The following ZNF274 variants were observed in gnomAD, a reference collection of about 807,000 sequenced individuals.
ZNF274 encodes zinc finger protein 274.
ZNF274 carries 23 observed loss-of-function variants against 42.5 expected under a neutral mutation model. The ratio of observed to expected loss-of-function variants is 0.54; its 90% CI spans 0.39 to 0.77. The LOEUF is 0.77. Ranked by LOEUF, ZNF274 falls within the 30% of genes least tolerant of loss-of-function variation. ZNF274 has a pLI of 0.00. For synonymous variants in ZNF274, 292 were observed against 305.4 expected, an observed-to-expected ratio of 0.96 and a Z score of 0.46; for missense variants, 679 against 806.5, an observed-to-expected ratio of 0.84 and a Z score of 1.91.
intron 4 of ZNF274, among the ~76,000 whole-genome samples, chr19:58,201,954 T>C (rs187701404): frequency 6.6e-6 from 1 of 152,224 alleles, no homozygotes; most frequent in East Asian, 1.9e-4. Context: ...CTTAGGGGTG[T>C]GAGATCCACA....
Position 58,211,829 on chromosome 19 carries a change from G to A in ZNF274, c.979+143G>A. 3 of 1,290,870 alleles carry A rather than the reference G, an allele frequency of 2.3e-6. No homozygotes were observed. The highest frequency in any genetic ancestry group is 3.1e-6 in the Non-Finnish European group (3 of 962,204). 80.0% of individuals were successfully genotyped at this position (1,290,870 alleles called of 1,614,324 possible). ...GCATCCAGGGCCTGTAAGTGGAACT[G>A]TAGACCTAGAGGGGTGAGGTCACTG... On this transcript the variant is annotated intron_variant, in intron 7 of 7. Transcript: ENST00000617501. The surrounding 1 kb of genome is among the most constrained non-coding windows in gnomAD (Gnocchi z 4.8).
At chr19:58,184,912 T>C (rs1320067868) in intron 2 of ZNF274, 2 of 149,986 alleles carry the variant, frequency 1.3e-5, no homozygotes, top group Admixed American at 6.7e-5. Flanking sequence ...GGTCAGGAGA[T>C]TGAGACCATC....
intron 4 of ZNF274, among the ~76,000 whole-genome samples, chr19:58,194,988 G>A (rs2075824116): frequency 6.6e-6 from 1 of 151,386 alleles, no homozygotes; most frequent in Non-Finnish European, 1.5e-5. Context: ...GCGACAGAGT[G>A]AGACTCCATG....
rs373073196 is a variant in ZNF274 at position 58,207,120 on chromosome 19, A to G, written c.657A>G (p.Thr219=). The G allele has an allele frequency of 3.0e-5, 48 of 1,613,790 alleles. No individual in the cohort carries two copies. Among genetic ancestry groups the G allele is most frequent in the Non-Finnish European group, 3.9e-5 (46 of 1,179,898 alleles). The part of the protein sequence containing the change: ...FLGALPVKLR[T]WVESQHPENC... Reference sequence around the variant, plus strand: ...GTGCACTGCCTGTGAAGCTCCGGACATGGGTGGAATCGCAGCACCCAGAGA... The same window carrying G: ...GTGCACTGCCTGTGAAGCTCCGGACGTGGGTGGAATCGCAGCACCCAGAGA... The change falls in exon 5 of 8, where the codon ACA becomes ACG. Residue 219 remains threonine, a synonymous_variant. Coordinates refer to ENST00000617501, the MANE Select transcript of ZNF274 (RefSeq NM_133502.3). This position sits in a 1 kb window ranked among gnomAD's most constrained non-coding sequence, Gnocchi z 5.6.
chr19:58,207,290 A>T lies in ZNF274; in HGVS notation c.739+88A>T. The T allele has an allele frequency of 6.8e-7, 1 of 1,480,312 alleles. No homozygotes were observed. The highest frequency in any genetic ancestry group is 9.0e-7 in the Non-Finnish European group (1 of 1,114,124). 91.7% of individuals were successfully genotyped at this position (1,480,312 alleles called of 1,614,324 possible). A position where few individuals can be genotyped will look rare whatever the true frequency, so the allele number is the denominator to read the frequency against. On this transcript the variant is annotated intron_variant, in intron 5 of 7. Transcript: ENST00000617501. The surrounding 1 kb of genome is among the most constrained non-coding windows in gnomAD (Gnocchi z 5.6). ...AGATAAGAACTCCAGGCTTCCTAGG[A>T]AGGTCATGGGAAGGATTGTGTCCGC...
chr19:58,209,873 T>G, intron 5 of ZNF274, 88 bp from the exon 6 acceptor site: 1 of 787,246 alleles, frequency 1.3e-6, no homozygotes, highest in Non-Finnish European at 2.1e-6. Flanking sequence ...AGGGGTGCGG[T>G]GGCCCCATGG....
chr19:58,184,230 G>C, intron 2 of ZNF274: 1 of 551,896 alleles, frequency 1.8e-6, no homozygotes, highest in East Asian at 3.0e-5. Context: ...CTGAAGGCCA[G>C]GTTAAGGCTC....
At position 58,212,222 on chromosome 19, in the gene ZNF274, A is replaced by G. The variant is rs2076049401; in HGVS notation, c.1041A>G (p.Glu347=). The change falls in exon 8 of 8, where the codon GAA becomes GAG. Residue 347 remains glutamate (E), a synonymous_variant. Coordinates refer to ENST00000617501, the MANE Select transcript of ZNF274 (RefSeq NM_133502.3). This position sits in a 1 kb window ranked among gnomAD's most constrained non-coding sequence, Gnocchi z 4.6. ...LAPNSDIPEE[E]PAPSLKVQES... ...CAAATTCTGACATTCCTGAGGAAGA[A>G]CCAGCCCCCAGCCTGAAAGTACAAG... 3 of 1,613,242 alleles carry G rather than the reference A, an allele frequency of 1.9e-6. No homozygotes were observed. The highest frequency in any genetic ancestry group is 1.6e-4 in the Middle Eastern group (1 of 6,062).
At chr19:58,193,973 G>C in intron 4 of ZNF274, among the ~76,000 whole-genome samples, 1 of 151,964 alleles carries the variant, frequency 6.6e-6, no homozygotes, top group South Asian at 2.1e-4. Context: ...TCACATATGA[G>C]ATAAAAGGGT....
Position 58,213,122 on chromosome 19 carries a change from G to A in ZNF274, c.1941G>A (p.Lys647=). ...HQRTHNRTKR[K]KKQPTS is the part of the protein sequence containing the mutation. ...GAACCCACAATAGGACAAAGCGAAA[G>A]AAGAAACAGCCTACCTCATAGCTCT... The change falls in exon 8 of 8, where the codon AAG becomes AAA. Residue 647 remains lysine (K), a synonymous_variant. Coordinates refer to ENST00000617501, the MANE Select transcript of ZNF274 (RefSeq NM_133502.3). 1.9e-6 allele frequency: 3 copies of A among 1,610,482 alleles called. No individual in the cohort carries two copies. The highest frequency in any genetic ancestry group is 2.5e-6 in the Non-Finnish European group (3 of 1,177,806).
At chr19:58,199,345 G>A (rs1224598855) in intron 4 of ZNF274, among the ~76,000 whole-genome samples, 3 of 151,652 alleles carry the variant, frequency 2.0e-5, no homozygotes, top group Non-Finnish European at 2.9e-5. Flanking sequence ...CAGCCTGGGC[G>A]ACAGAGCAAG....
rs546339314 is a variant in ZNF274 at position 58,190,614 on chromosome 19, A to T, written c.256+3572A>T. Among the ~76,000 whole-genome samples the T allele has an allele frequency of 4.7e-4, 71 of 152,334 alleles. 1 individual carries two copies. Among genetic ancestry groups the T allele is most frequent in the African/African-American group, 1.6e-3 (68 of 41,584 alleles). On this transcript the variant is annotated intron_variant, in intron 4 of 7. Coordinates refer to ENST00000617501, the MANE Select transcript of ZNF274 (RefSeq NM_133502.3). ...CACAATTCTTCTCCTTTGAGCAGTT[A>T]ACATAGGAGTATAATAGATGTAGAA...
intron 3 of ZNF274, 45 bp downstream of exon 3, chr19:58,185,883 C>G: frequency 7.5e-7 from 1 of 1,327,830 alleles, no homozygotes; most frequent in Admixed American, 3.0e-5. Flanking sequence ...CTTTGTAGCA[C>G]AAATGTAGCA....
At chr19:58,191,337 C>T (rs1470802099) in intron 4 of ZNF274, among the ~76,000 whole-genome samples, 1 of 152,322 alleles carries the variant, frequency 6.6e-6, no homozygotes, top group East Asian at 1.9e-4. Context: ...CTGGGTTTCA[C>T]CATGTTGGCC....
At chr19:58,196,168 C>T (rs907081150) in intron 4 of ZNF274, among the ~76,000 whole-genome samples, 1 of 152,148 alleles carries the variant, frequency 6.6e-6, no homozygotes, top group African/African-American at 2.4e-5. Context: ...TAAACTATTA[C>T]AGATTTAGTC....
chr19:58,213,242 G>A lies in ZNF274; in HGVS notation c.*99G>A. The A allele has an allele frequency of 6.8e-7, 1 of 1,462,990 alleles. No individual in the cohort carries two copies. The highest frequency in any genetic ancestry group is 9.1e-7 in the Non-Finnish European group (1 of 1,103,794). 90.6% of individuals were successfully genotyped at this position (1,462,990 alleles called of 1,614,324 possible). ...AATCAGGACTGAATGTGAAAGGGAA[G>A]TATTGAGTGAGGACATTCCCAAAAC... On this transcript the variant is annotated 3_prime_UTR_variant, in exon 8 of 8. Transcript: ENST00000617501.
intron 4 of ZNF274, among the ~76,000 whole-genome samples, chr19:58,196,723 T>TC (rs1214657315): frequency 1.3e-5 from 2 of 152,184 alleles, no homozygotes; most frequent in Non-Finnish European, 2.9e-5. Flanking sequence ...TATAGAGTGA[T>TC]CAACAGCATA....
intron 4 of ZNF274, among the ~76,000 whole-genome samples, chr19:58,204,459 T>A (rs937267794): frequency 6.6e-6 from 1 of 152,040 alleles, no homozygotes; most frequent in African/African-American, 2.4e-5. Flanking sequence ...AAGGGTTAGC[T>A]TATGGTTGTG....
Position 58,213,276 on chromosome 19 carries a change from A to T in ZNF274, c.*133A>T. 1 of 1,163,560 alleles carries T rather than the reference A, an allele frequency of 8.6e-7. No homozygotes were observed. The highest frequency in any genetic ancestry group is 2.8e-5 in the Admixed American group (1 of 35,156). 72.1% of individuals were successfully genotyped at this position (1,163,560 alleles called of 1,614,324 possible). ...GAGGACATTCCCAAAACCAAAGGAC[A>T]ACTGAGGAGACTGCCCAGCACATAA... On this transcript the variant is annotated 3_prime_UTR_variant, in exon 8 of 8. Transcript: ENST00000617501.
Sources: gnomAD v4.1 joint callset for allele counts (sites outside exome capture counted in the v4.1 genomes callset) on GRCh38, gnomAD v4.1.1 for gene constraint, Gnocchi (gnomAD v3.1) non-coding constraint, MANE v1.5 for transcripts, NCBI Gene and HGNC (gene_info 2026-07-23, HGNC 2026-07-21) for gene names.